Variants in PDZRN3 observed in about 807,000 individuals in gnomAD.
The protein encoded by PDZRN3 is E3 ubiquitin-protein ligase PDZRN3.
In PDZRN3, 38 loss-of-function variants were observed where a neutral mutation model predicts 85.7. That is an observed-to-expected ratio of 0.44 (90% CI 0.34 to 0.58). The LOEUF (loss-of-function observed/expected upper bound fraction) is 0.58, where lower values mean the gene tolerates loss of function less well. Among genes scored for constraint, PDZRN3 ranks in the 20% least tolerant of loss-of-function variants. The probability of loss-of-function intolerance (pLI) is 0.01; values close to 1 mark genes in which losing one functional copy is unlikely to be tolerated. For missense variants in PDZRN3, 1,629 were observed against 1,506.4 expected (o/e 1.08, Z -1.35); for synonymous variants, 759 against 638.0 (o/e 1.19, Z -2.86).
chr3:73,484,029 C>G (rs928148157), intron 3 of PDZRN3, among the ~76,000 whole-genome samples: 1 of 151,810 alleles, frequency 6.6e-6, no homozygotes. Context: ...AGTGGAGGGA[C>G]GTAGAATCTA....
intron 3 of PDZRN3, among the ~76,000 whole-genome samples, chr3:73,495,639 T>C (rs1377523960): frequency 6.6e-6 from 1 of 152,148 alleles, no homozygotes; most frequent in Non-Finnish European, 1.5e-5. Flanking sequence ...TTACAAACAA[T>C]GCTGCAATGA....
chr3:73,557,282 A>G (rs551903352), intron 3 of PDZRN3, among the ~76,000 whole-genome samples: 1 of 152,264 alleles, frequency 6.6e-6, no homozygotes, highest in Admixed American at 6.5e-5. Flanking sequence ...AAAAAGAAAA[A>G]ACACAAGTAT....
chr3:73,394,901 G>A (rs1036134694), intron 5 of PDZRN3, among the ~76,000 whole-genome samples: 1 of 152,178 alleles, frequency 6.6e-6, no homozygotes, highest in African/African-American at 2.4e-5. Flanking sequence ...GGATCTGTAC[G>A]GATTTATGGT....
chr3:73,385,811 G>A (rs1222731752), intron 8 of PDZRN3, 26 bp from the exon 9 acceptor site: 1 of 1,270,234 alleles, frequency 7.9e-7, no homozygotes, highest in Non-Finnish European at 1.1e-6. Context: ...GCCAACACAT[G>A]CCTTAGAAGT....
chr3:73,496,714 T>G (rs1391580218), intron 3 of PDZRN3, among the ~76,000 whole-genome samples: 3 of 152,046 alleles, frequency 2.0e-5, no homozygotes, highest in Non-Finnish European at 4.4e-5. Flanking sequence ...GGTAAAAAAA[T>G]TAAAAAGATA....
chr3:73,565,784 A>AAAACAC (rs1222998061), intron 3 of PDZRN3, among the ~76,000 whole-genome samples: 43 of 39,602 alleles, frequency 1.1e-3, no homozygotes, highest in African/African-American at 2.8e-3. Context: ...CTAAAAATAC[A>AAAACAC]AAACACACAC....
intron 3 of PDZRN3, among the ~76,000 whole-genome samples, chr3:73,589,049 ATTT>A (rs11341187): frequency 1.4e-5 from 2 of 140,604 alleles, no homozygotes; most frequent in Non-Finnish European, 1.6e-5. Flanking sequence ...AGAAGATATG[ATTT>A]TTTTTTTTTT....
chr3:73,529,691 G>C (rs1448506081), intron 3 of PDZRN3, among the ~76,000 whole-genome samples: 1 of 152,240 alleles, frequency 6.6e-6, no homozygotes, highest in Admixed American at 6.5e-5. Flanking sequence ...GGGCTGGATA[G>C]AAAGATAAGA....
intron 3 of PDZRN3, among the ~76,000 whole-genome samples, chr3:73,443,883 T>C (rs1274501168): frequency 6.6e-6 from 1 of 152,178 alleles, no homozygotes; most frequent in Non-Finnish European, 1.5e-5. Flanking sequence ...AAAATCAGCA[T>C]CATTTGCTAT....
chr3:73,554,106 T>C (rs961117935), intron 3 of PDZRN3, among the ~76,000 whole-genome samples: 3 of 152,002 alleles, frequency 2.0e-5, no homozygotes, highest in Admixed American at 6.5e-5. Context: ...AGATGGAGAA[T>C]AGAGGGCCAA....
intron 2 of PDZRN3, among the ~76,000 whole-genome samples, chr3:73,607,737 T>G (rs1388837779): frequency 2.6e-5 from 4 of 152,178 alleles, no homozygotes; most frequent in Admixed American, 6.5e-5. Context: ...CTAATTATTG[T>G]ATTCACTTGT....
intron 3 of PDZRN3, among the ~76,000 whole-genome samples, chr3:73,421,802 C>T (rs113847952): frequency 5.1e-4 from 78 of 152,216 alleles, no homozygotes; most frequent in Non-Finnish European, 1.0e-3. Flanking sequence ...TGTGTGCCAC[C>T]ACGACCAGCT....
At chr3:73,462,986 T>A (rs1459509742) in intron 3 of PDZRN3, among the ~76,000 whole-genome samples, 1 of 152,164 alleles carries the variant, frequency 6.6e-6, no homozygotes, top group Non-Finnish European at 1.5e-5. Context: ...TCACCTTCAG[T>A]CATTTTGTTT....
intron 3 of PDZRN3, among the ~76,000 whole-genome samples, chr3:73,532,418 T>C (rs1318062204): frequency 2.0e-5 from 3 of 152,220 alleles, no homozygotes; most frequent in Non-Finnish European, 4.4e-5. Flanking sequence ...ACCTGAATAA[T>C]AATTTCCATC....
At chr3:73,420,772 T>C (rs907589423) in intron 3 of PDZRN3, among the ~76,000 whole-genome samples, 4 of 152,214 alleles carry the variant, frequency 2.6e-5, no homozygotes, top group African/African-American at 9.6e-5. Flanking sequence ...GATTGGCCTA[T>C]TAGACAATAG....
At chr3:73,604,395 G>C (rs1702563320) in intron 2 of PDZRN3, among the ~76,000 whole-genome samples, 1 of 152,142 alleles carries the variant, frequency 6.6e-6, no homozygotes, top group African/African-American at 2.4e-5. Context: ...CCATTCCACA[G>C]GTGAAAAACC....
At chr3:73,553,187 G>A (rs1481300257) in intron 3 of PDZRN3, among the ~76,000 whole-genome samples, 2 of 152,188 alleles carry the variant, frequency 1.3e-5, no homozygotes, top group Non-Finnish European at 2.9e-5. Context: ...ATATGGGAAG[G>A]TCATGCACCA....
At chr3:73,385,588 C>A in intron 9 of PDZRN3, 81 bp downstream of exon 9, 1 of 826,296 alleles carries the variant, frequency 1.2e-6, no homozygotes, top group South Asian at 1.5e-5. Flanking sequence ...TGGTCTTTAG[C>A]ACCATAAAGG....
intron 9 of PDZRN3, 96 bp from the exon 10 acceptor site, chr3:73,385,026 C>T: frequency 2.1e-6 from 3 of 1,413,510 alleles, no homozygotes; most frequent in Non-Finnish European, 1.9e-6. Context: ...ATAGGGCAGG[C>T]TGTACATTTC....
Sources: gnomAD v4.1 joint callset for allele counts (sites outside exome capture counted in the v4.1 genomes callset) on GRCh38, gnomAD v4.1.1 for gene constraint, MANE v1.5 for transcripts, NCBI Gene and HGNC (gene_info 2026-07-23, HGNC 2026-07-21) for gene names.